The following MAN2A2 variants were observed in gnomAD, a reference collection of about 807,000 sequenced individuals.
The protein encoded by MAN2A2 is mannosidase alpha class 2A member 2.
A neutral mutation model predicts 126.8 loss-of-function variants in MAN2A2; 79 were observed. The ratio of observed to expected loss-of-function variants is 0.62; its 90% CI spans 0.52 to 0.75. The LOEUF (loss-of-function observed/expected upper bound fraction) is 0.75. Among genes scored for constraint, MAN2A2 ranks in the 30% least tolerant of loss-of-function variants. The pLI is 0.00. For synonymous variants in MAN2A2, 671 were observed against 618.7 expected (o/e 1.08, Z -1.25); for missense variants, 1,392 against 1,522.4 (o/e 0.91, Z 1.43).
In MAN2A2 at chr15:90,905,424, G is replaced by A. The variant is rs755103208; in HGVS notation, c.306G>A (p.Pro102=). The A allele has an allele frequency of 6.2e-6, 10 of 1,613,636 alleles. No individual in the cohort carries two copies. Among genetic ancestry groups the A allele is most frequent in the African/African-American group, 2.7e-5 (2 of 74,928 alleles). The change falls in exon 3 of 23, where the codon CCG becomes CCA. Residue 102 remains proline (P), a synonymous_variant. Transcript: ENST00000559717. ...TCAATGGCTCCTGGGTGGTGCCACCGGAGCCCCGGCCCAGCTTCTTCTCCA... is the reference window on the plus strand; with the variant it reads ...TCAATGGCTCCTGGGTGGTGCCACCAGAGCCCCGGCCCAGCTTCTTCTCCA... ...YTVNGSWVVP[P]EPRPSFFSIS... is the part of the protein sequence containing the mutation.
At position 90,911,538 on chromosome 15, in the gene MAN2A2, T is replaced by C. The variant is rs761816576; in HGVS notation, c.2097T>C (p.Pro699=). The change falls in exon 14 of 23, where the codon CCT becomes CCC. Residue 699 remains proline, a synonymous_variant. Transcript: ENST00000559717. ...AHWSSATEAV[P]DVYQVSVPVR... ...GGAGCTCTGCCACCGAGGCGGTCCC[T>C]GACGTCTACCAGGTGAGGTGTGGGC... is the stretch of plus-strand genomic sequence containing the variant. 1.8e-5 allele frequency: 29 copies of C among 1,612,268 alleles called. No homozygotes were observed. Among genetic ancestry groups the C allele is most frequent in the Non-Finnish European group, 2.5e-5 (29 of 1,179,332 alleles).
chr15:90,910,859 C>G lies in MAN2A2; in HGVS notation c.1773C>G (p.Ser591=), dbSNP rs777812409. Residue 591 remains serine (S), a synonymous_variant, in exon 12 of 23, where the codon TCC becomes TCG. Coordinates refer to ENST00000559717, the MANE Select transcript of MAN2A2 (RefSeq NM_006122.4). The part of the protein sequence containing the change: ...VVDYGVRLLR[S]LVNLKQVIIH... ...GCGCCACCCACAGGCTTCTGCGCTC[C>G]CTTGTCAACCTGAAGCAGGTCATCA... is the stretch of plus-strand genomic sequence containing the variant. The G allele has an allele frequency of 8.1e-6, 13 of 1,613,938 alleles. No individual in the cohort carries two copies. The African/African-American group carries it at 1.6e-4, about 20-fold the overall frequency.
intron 2 of MAN2A2, among the ~76,000 whole-genome samples, chr15:90,904,795 A>T (rs2034133619): frequency 6.6e-6 from 1 of 152,162 alleles, no homozygotes; most frequent in Non-Finnish European, 1.5e-5. Context: ...AGGTATCGCC[A>T]TGTTGGCCAG....
At chr15:90,916,949 G>A (rs113311347) in intron 20 of MAN2A2, among the ~76,000 whole-genome samples, 5 of 152,162 alleles carry the variant, frequency 3.3e-5, no homozygotes, top group African/African-American at 7.2e-5. Context: ...AGGAGATCGA[G>A]GTCAAGGAGG....
chr15:90,911,087 G>A, intron 12 of MAN2A2, 84 bp from the exon 13 acceptor site: 2 of 1,518,848 alleles, frequency 1.3e-6, no homozygotes, highest in East Asian at 2.3e-5. Flanking sequence ...GCCCAGTGCA[G>A]CCGCTGGTCC....
At chr15:90,911,054 T>C in intron 12 of MAN2A2, 93 bp downstream of exon 12, 4 of 1,475,890 alleles carry the variant, frequency 2.7e-6, no homozygotes, top group Middle Eastern at 1.7e-4. Flanking sequence ...CTCTTTTTCC[T>C]TCCCCATCCG....
chr15:90,911,080 C>G (rs983068867), intron 12 of MAN2A2, 91 bp from the exon 13 acceptor site: 2 of 1,498,696 alleles, frequency 1.3e-6, no homozygotes, highest in Non-Finnish European at 1.8e-6. Context: ...GTTCTGTGCC[C>G]AGTGCAGCCG....
At chr15:90,915,322 T>C (rs1266488) in intron 19 of MAN2A2, 30,373 of 152,128 alleles carry the variant, frequency 0.2, 6,531 homozygotes, top group African/African-American at 0.51. Flanking sequence ...AAAGGGAGAA[T>C]AAGGCCATCT....
At chr15:90,909,607 T>C (rs1283879972) in intron 9 of MAN2A2, 103 bp downstream of exon 9, 45,486 of 544,172 alleles carry the variant, frequency 0.084, 313 homozygotes, top group East Asian at 0.2. Context: ...GTGCCCCCCT[T>C]TTTTTTTTTT....
rs1567113733 is a variant in MAN2A2, at chr15:90,904,307, A to C, written c.100A>C (p.Thr34Pro). ...GCTGGACCGAGTGCAACACGATCCC[A>C]CCCGACACCAGAATGGTGGGAACTT... ...LMLDRVQHDP[T>P]RHQNGGNFPR... is the part of the protein sequence containing the mutation. Residue 34 changes from threonine (T) to proline (P), a missense_variant, in exon 2 of 23, where the codon ACC becomes CCC. By Grantham distance (38) the Thr-to-Pro change is conservative. Coordinates refer to ENST00000559717, the MANE Select transcript of MAN2A2 (RefSeq NM_006122.4). The C allele has an allele frequency of 6.2e-7, 1 of 1,614,040 alleles. No individual in the cohort carries two copies. The highest frequency in any genetic ancestry group is 1.1e-5 in the South Asian group (1 of 91,090).
At chr15:90,914,460 G>A (rs1236016756) in intron 19 of MAN2A2, among the ~76,000 whole-genome samples, 2 of 152,204 alleles carry the variant, frequency 1.3e-5, no homozygotes, top group Non-Finnish European at 2.9e-5. Context: ...TTAAGGAAAT[G>A]AGAAAATTAC....
At chr15:90,911,947 AG>A in intron 14 of MAN2A2, 95 bp from the exon 15 acceptor site, 1 of 988,016 alleles carries the variant, frequency 1.0e-6, no homozygotes. Flanking sequence ...CAGCGGGTGC[AG>A]GGGCTTGCTC....
At chr15:90,908,032 G>T (rs2034438569) in intron 8 of MAN2A2, among the ~76,000 whole-genome samples, 1 of 152,248 alleles carries the variant, frequency 6.6e-6, no homozygotes, top group Non-Finnish European at 1.5e-5. Context: ...AATACGACAA[G>T]TTGGATTGGT....
Position 90,905,698 on chromosome 15 carries a change from G to C in MAN2A2, c.510G>C (p.Val170=). Residue 170 remains valine, a synonymous_variant, in exon 4 of 23, where the codon GTG becomes GTC. Transcript: ENST00000559717. ...DWDAEDLQVF[V]VPHSHNDPGW... is the part of the protein sequence containing the mutation. ...ATGCTGAAGACCTGCAGGTGTTTGT[G>C]GTGCCCCACTCTCACAATGACCCAG... 4 of 1,614,096 alleles carry C rather than the reference G, an allele frequency of 2.5e-6. No individual in the cohort carries two copies. The highest frequency in any genetic ancestry group is 3.4e-6 in the Non-Finnish European group (4 of 1,180,004).
rs140079720 is a variant in MAN2A2, at chr15:90,921,914, C to CA, written c.*2137dup. 0.066 allele frequency: 9,567 copies of CA among 145,046 alleles called. 362 individuals carry two copies. The highest frequency in any genetic ancestry group is 0.09 in the Non-Finnish European group (5,911 of 65,892). 9.0% of individuals were successfully genotyped at this position (145,046 alleles called of 1,614,324 possible). A position where few individuals can be genotyped will look rare whatever the true frequency, so the allele number is the denominator to read the frequency against. Reference sequence around the variant, plus strand: ...TGCACTCCAGCCTGGGTGACACAGCCAAAAAAAAAACCACTAAGTTAGATC... The same window carrying CA: ...TGCACTCCAGCCTGGGTGACACAGCCAAAAAAAAAAACCACTAAGTTAGATC... On this transcript the variant is annotated 3_prime_UTR_variant, in exon 23 of 23. Transcript: ENST00000559717.
rs2106673 is a variant in MAN2A2, at chr15:90,909,365, A to G, written c.1235A>G (p.Gln412Arg). The G allele has an allele frequency of 0.34, 543,904 of 1,613,250 alleles. 106,693 individuals are homozygous for G. The highest frequency in any genetic ancestry group is 0.98 in the East Asian group (43,736 of 44,846). ...LLLDQYRKKS[Q>R]LFRSNVLLVP... ...CTGGACCAATACCGGAAGAAGTCCC[A>G]GCTGTTCCGAAGCAACGTCCTCCTG... The change falls in exon 9 of 23, where the codon CAG becomes CGG. Residue 412 changes from glutamine to arginine, a missense_variant. By Grantham distance (43) the Gln-to-Arg change is conservative. Transcript: ENST00000559717.
chr15:90,913,805 C>T (rs756425623), intron 19 of MAN2A2, 50 bp downstream of exon 19: 135 of 1,528,818 alleles, frequency 8.8e-5, no homozygotes, highest in Admixed American at 3.2e-4. Flanking sequence ...AAAAGAAGCC[C>T]GTCCCCACCC....
rs1164638839 is a variant in MAN2A2, at chr15:90,906,464, A to G, written c.802A>G (p.Ile268Val). ...SHYFALIDQLIEGHQWLERNL... is the reference protein window; with the variant it reads ...SHYFALIDQLVEGHQWLERNL... ...CTACTTTGCATTGATTGACCAGCTCATCGAAGGACACCAGTGGCTGGAGAG... is the reference window on the plus strand; with the variant it reads ...CTACTTTGCATTGATTGACCAGCTCGTCGAAGGACACCAGTGGCTGGAGAG... Residue 268 changes from isoleucine to valine, a missense_variant, in exon 6 of 23, where the codon ATC (isoleucine) becomes GTC (valine). By Grantham distance (29) the Ile-to-Val change is conservative (BLOSUM62 3). Coordinates refer to ENST00000559717, the MANE Select transcript of MAN2A2 (RefSeq NM_006122.4). 4 of 1,613,624 alleles carry G rather than the reference A, an allele frequency of 2.5e-6. No homozygotes were observed. The South Asian group carries it at 3.3e-5, about 13-fold the overall frequency.
intron 22 of MAN2A2, among the ~76,000 whole-genome samples, 177 bp from the exon 23 acceptor site, chr15:90,919,458 C>T (rs1013031355): frequency 6.6e-6 from 1 of 152,216 alleles, no homozygotes; most frequent in Non-Finnish European, 1.5e-5. Context: ...AGGCTGGTCT[C>T]GAACTCCTGA....
Sources: allele counts gnomAD v4.1 joint callset (sites outside exome capture counted in the v4.1 genomes callset), GRCh38; gene constraint gnomAD v4.1.1; transcripts MANE v1.5; gene names NCBI Gene and HGNC (gene_info 2026-07-23, HGNC 2026-07-21).